The following NCAM2 variants were observed in gnomAD, a reference collection of about 807,000 sequenced individuals.
NCAM2 encodes neural cell adhesion molecule 2.
In NCAM2, 30 loss-of-function variants were observed where a neutral mutation model predicts 98.1. The observed-to-expected ratio is 0.31, with a 90% CI of 0.23 to 0.41. NCAM2 has a LOEUF of 0.41. Among genes scored for constraint, NCAM2 ranks in the 10% least tolerant of loss-of-function variants. The probability of loss-of-function intolerance (pLI) is 1.00; values close to 1 mark genes in which losing one functional copy is unlikely to be tolerated. For missense variants in NCAM2, 867 were observed against 1,005.8 expected (o/e 0.86, Z 1.87); for synonymous variants, 368 against 342.4 (o/e 1.07, Z -0.83).
chr21:21,348,820 G>T (rs1248803376), intron 8 of NCAM2, among the ~76,000 whole-genome samples: 3 of 151,934 alleles, frequency 2.0e-5, no homozygotes, highest in Non-Finnish European at 4.4e-5. Flanking sequence ...AAAGTGCCAA[G>T]AATATACAAT....
chr21:21,473,393 T>A (rs533605785), intron 14 of NCAM2, among the ~76,000 whole-genome samples: 76 of 126,240 alleles, frequency 6.0e-4, no homozygotes, highest in South Asian at 2.1e-3. Flanking sequence ...TATATATATA[T>A]TATATATAAA....
intron 1 of NCAM2, among the ~76,000 whole-genome samples, chr21:21,191,586 TTTCTC>T (rs2068825610): frequency 6.6e-6 from 1 of 152,234 alleles, no homozygotes; most frequent in African/African-American, 2.4e-5. Context: ...AGTTATCAGA[TTTCTC>T]TTGTCTTTGG....
At chr21:21,057,041 A>G (rs2065226464) in intron 1 of NCAM2, among the ~76,000 whole-genome samples, 1 of 152,046 alleles carries the variant, frequency 6.6e-6, no homozygotes, top group African/African-American at 2.4e-5. Context: ...AGAGTGTTTC[A>G]TATATAAATA....
intron 9 of NCAM2, among the ~76,000 whole-genome samples, chr21:21,380,734 T>C (rs1265184836): frequency 6.6e-6 from 1 of 152,194 alleles, no homozygotes; most frequent in Non-Finnish European, 1.5e-5. Context: ...ATTAATTGCA[T>C]CCACTTGGAT....
chr21:21,246,268 A>G lies in NCAM2; in HGVS notation c.56-34310A>G, dbSNP rs952355918. 2.6e-5 allele frequency among the ~76,000 whole-genome samples: 4 copies of G among 152,222 alleles called. No homozygotes were observed. The East Asian group carries it at 7.7e-4, about 29-fold the overall frequency. Reference sequence around the variant, plus strand: ...CAAATGATATCCTGACTGCAAGCTCATGAGCTTATAAGATCCTAGCCAAAA... The same window carrying G: ...CAAATGATATCCTGACTGCAAGCTCGTGAGCTTATAAGATCCTAGCCAAAA... On this transcript the variant is annotated intron_variant, in intron 1 of 17. Coordinates refer to ENST00000400546, the MANE Select transcript of NCAM2 (RefSeq NM_004540.5).
Position 21,086,987 on chromosome 21 carries a change from G to A in NCAM2, c.55+88369G>A, listed in dbSNP as rs1010264668. Reference sequence around the variant, plus strand: ...TATCCTTTTGATAGGGATATTGATCGTTTTGTAGACATATCTAACATTGTA... The same window carrying A: ...TATCCTTTTGATAGGGATATTGATCATTTTGTAGACATATCTAACATTGTA... On this transcript the variant is annotated intron_variant, in intron 1 of 17. Transcript: ENST00000400546. Among the ~76,000 whole-genome samples, 13 of 150,338 alleles carry A rather than the reference G, an allele frequency of 8.6e-5. No individual in the cohort carries two copies. The Middle Eastern group carries it at 0.01, about 120-fold the overall frequency.
chr21:21,437,606 G>A (rs558030773), intron 12 of NCAM2, among the ~76,000 whole-genome samples: 1 of 151,710 alleles, frequency 6.6e-6, no homozygotes, highest in African/African-American at 2.4e-5. Flanking sequence ...AACCCACTGA[G>A]GCCATTCAAA....
At chr21:21,217,503 A>C (rs79710034) in intron 1 of NCAM2, among the ~76,000 whole-genome samples, 2 of 152,166 alleles carry the variant, frequency 1.3e-5, no homozygotes, top group Non-Finnish European at 2.9e-5. Context: ...AATGAAAAAA[A>C]ATCTTAAAAA....
intron 15 of NCAM2, among the ~76,000 whole-genome samples, chr21:21,506,142 A>C (rs1301312322): frequency 6.6e-6 from 1 of 152,180 alleles, no homozygotes; most frequent in South Asian, 2.1e-4. Flanking sequence ...GCATGTGAGA[A>C]GACCCTAAAC....
chr21:21,533,719 C>T (rs1171478657), intron 16 of NCAM2, among the ~76,000 whole-genome samples: 1 of 149,228 alleles, frequency 6.7e-6, no homozygotes, highest in East Asian at 2.0e-4. Context: ...TCTTCTGTCT[C>T]ACTTTACTCC....
At chr21:21,075,655 AT>A (rs1568995585) in intron 1 of NCAM2, among the ~76,000 whole-genome samples, 1 of 152,084 alleles carries the variant, frequency 6.6e-6, no homozygotes, top group Non-Finnish European at 1.5e-5. Flanking sequence ...TTTGCAAAGA[AT>A]TTGTGGGTTT....
chr21:21,376,729 A>G (rs568946187), intron 9 of NCAM2, among the ~76,000 whole-genome samples: 6 of 151,812 alleles, frequency 4.0e-5, no homozygotes, highest in Non-Finnish European at 8.9e-5. Context: ...GCTTTTGATC[A>G]CATTGCATTC....
intron 6 of NCAM2, among the ~76,000 whole-genome samples, chr21:21,324,813 T>A (rs2074470366): frequency 6.6e-6 from 1 of 152,136 alleles, no homozygotes; most frequent in Admixed American, 6.6e-5. Flanking sequence ...ATCATTACAA[T>A]TTATCTTGAA....
intron 1 of NCAM2, among the ~76,000 whole-genome samples, chr21:21,259,871 G>T: frequency 7.0e-6 from 1 of 143,386 alleles, no homozygotes; most frequent in African/African-American, 2.6e-5. Context: ...ATACCCTCAA[G>T]GAACAAAATA....
intron 11 of NCAM2, among the ~76,000 whole-genome samples, chr21:21,419,361 T>C (rs956796429): frequency 2.0e-5 from 3 of 149,530 alleles, no homozygotes; most frequent in African/African-American, 7.4e-5. Flanking sequence ...TTTTTTTCGA[T>C]TTTTTTTTAT....
At chr21:21,025,597 A>G (rs553271871) in intron 1 of NCAM2, among the ~76,000 whole-genome samples, 2 of 146,122 alleles carry the variant, frequency 1.4e-5, no homozygotes, top group African/African-American at 2.5e-5. Context: ...TCAAACCACT[A>G]TATTTTTTTG....
intron 1 of NCAM2, among the ~76,000 whole-genome samples, chr21:21,068,948 T>C (rs1398050297): frequency 1.3e-5 from 2 of 152,192 alleles, no homozygotes; most frequent in African/African-American, 2.4e-5. Context: ...CATATTTCCA[T>C]GGCCAAATGC....
intron 6 of NCAM2, among the ~76,000 whole-genome samples, chr21:21,327,845 C>T (rs1224223883): frequency 6.6e-6 from 1 of 151,982 alleles, no homozygotes; most frequent in Non-Finnish European, 1.5e-5. Flanking sequence ...AATTAAAGAC[C>T]ATAATAGGGG....
intron 8 of NCAM2, among the ~76,000 whole-genome samples, chr21:21,366,690 A>G (rs1445147593): frequency 6.6e-6 from 1 of 152,038 alleles, no homozygotes; most frequent in African/African-American, 2.4e-5. Context: ...GTGATGTTTG[A>G]AAATTTCCAT....
Sources: gnomAD v4.1 joint callset for allele counts (sites outside exome capture counted in the v4.1 genomes callset) on GRCh38, gnomAD v4.1.1 for gene constraint, MANE v1.5 for transcripts, NCBI Gene and HGNC (gene_info 2026-07-23, HGNC 2026-07-21) for gene names.